The following MNAT1 variants were observed in gnomAD, a reference collection of about 807,000 sequenced individuals.
The protein encoded by MNAT1 is MNAT1 component of CDK activating kinase.
A neutral mutation model predicts 42.0 loss-of-function variants in MNAT1; 43 were observed. That is an observed-to-expected ratio of 1.02 (90% CI 0.80 to 1.32). The LOEUF (loss-of-function observed/expected upper bound fraction) is 1.32, where lower values mean the gene tolerates loss of function less well. Among genes scored for constraint, MNAT1 ranks in the 40% most tolerant of loss-of-function variants. MNAT1 has a pLI of 0.00. For missense variants in MNAT1, 306 were observed against 350.4 expected, an observed-to-expected ratio of 0.87 and a Z score of 1.01; for synonymous variants, 118 against 120.0, an observed-to-expected ratio of 0.98 and a Z score of 0.11.
chr14:60,830,545 T>C (rs1230538225), intron 6 of MNAT1, among the ~76,000 whole-genome samples: 4 of 152,182 alleles, frequency 2.6e-5, no homozygotes, highest in Non-Finnish European at 5.9e-5. Flanking sequence ...TAAGGCTCCA[T>C]CTGCAAATGC....
At chr14:60,813,253 C>T (rs373987044) in intron 5 of MNAT1, among the ~76,000 whole-genome samples, 18 of 152,216 alleles carry the variant, frequency 1.2e-4, no homozygotes, top group African/African-American at 3.1e-4. Flanking sequence ...GGTCTGACTG[C>T]GGGCCCCATG....
In MNAT1 at chr14:60,735,466, C is replaced by T. The variant is rs4151155; in HGVS notation, c.89+515C>T. Among the ~76,000 whole-genome samples, 257 of 152,264 alleles carry T rather than the reference C, an allele frequency of 1.7e-3. 1 individual carries two copies. The highest frequency in any genetic ancestry group is 5.5e-3 in the African/African-American group (227 of 41,544). On this transcript the variant is annotated intron_variant, in intron 1 of 7. Transcript: ENST00000261245. The stretch of plus-strand genomic sequence containing the variant: ...TCCCATCACTAAAATGAAGAAAACC[C>T]GGACTGTAGGTAGTTAATTTTGAAG...
chr14:60,875,620 A>G (rs944825851), intron 6 of MNAT1, among the ~76,000 whole-genome samples: 18 of 152,132 alleles, frequency 1.2e-4, no homozygotes, highest in Non-Finnish European at 2.4e-4. Flanking sequence ...ACCCTTTAGC[A>G]TAGTGCCTAG....
At chr14:60,784,302 G>A (rs1168026506) in intron 1 of MNAT1, among the ~76,000 whole-genome samples, 1 of 147,542 alleles carries the variant, frequency 6.8e-6, no homozygotes, top group Non-Finnish European at 1.5e-5. Flanking sequence ...GGGATTACAG[G>A]CATGAGCCAC....
intron 7 of MNAT1, among the ~76,000 whole-genome samples, chr14:60,967,502 TG>T (rs1033694372): frequency 7.9e-5 from 12 of 151,100 alleles, no homozygotes; most frequent in Non-Finnish European, 1.5e-4. Context: ...GATTGTCCAA[TG>T]TTTTTTAGGC....
intron 1 of MNAT1, among the ~76,000 whole-genome samples, chr14:60,739,620 T>C (rs942545440): frequency 2.6e-5 from 4 of 152,248 alleles, no homozygotes; most frequent in African/African-American, 9.6e-5. Flanking sequence ...TCCCTACTTA[T>C]CAATTTAATC....
At chr14:60,843,187 G>A (rs1438946300) in intron 6 of MNAT1, among the ~76,000 whole-genome samples, 1 of 152,168 alleles carries the variant, frequency 6.6e-6, no homozygotes, top group African/African-American at 2.4e-5. Context: ...TTATTTTGGT[G>A]ATGATTGATA....
At chr14:60,932,194 A>G (rs2035903064) in intron 7 of MNAT1, among the ~76,000 whole-genome samples, 1 of 152,002 alleles carries the variant, frequency 6.6e-6, no homozygotes, top group African/African-American at 2.4e-5. Flanking sequence ...CTAAAATAAG[A>G]CTGACATACT....
intron 7 of MNAT1, among the ~76,000 whole-genome samples, chr14:60,962,264 A>G (rs2036607122): frequency 6.6e-6 from 1 of 152,210 alleles, no homozygotes; most frequent in Non-Finnish European, 1.5e-5. Context: ...GTGGAAATAA[A>G]CATCTGACTT....
chr14:60,859,375 A>G (rs1175787593), intron 6 of MNAT1, among the ~76,000 whole-genome samples: 4 of 152,174 alleles, frequency 2.6e-5, no homozygotes, highest in African/African-American at 7.2e-5. Flanking sequence ...TTCATTATTT[A>G]TAGACATTCA....
intron 7 of MNAT1, among the ~76,000 whole-genome samples, chr14:60,895,431 A>G (rs1594844201): frequency 6.6e-6 from 1 of 152,320 alleles, no homozygotes; most frequent in East Asian, 1.9e-4. Flanking sequence ...TTTCACATTC[A>G]TCCTAACAGT....
At chr14:60,834,989 C>T (rs1199538316) in intron 6 of MNAT1, among the ~76,000 whole-genome samples, 3 of 145,654 alleles carry the variant, frequency 2.1e-5, no homozygotes, top group African/African-American at 5.1e-5. Flanking sequence ...ACCTTGCTCC[C>T]GCCCTCCCTC....
At chr14:60,797,467 G>A (rs1463491924) in intron 2 of MNAT1, among the ~76,000 whole-genome samples, 1 of 151,296 alleles carries the variant, frequency 6.6e-6, no homozygotes, top group Admixed American at 6.6e-5. Flanking sequence ...GTTATGTCTT[G>A]CTTAAGCTCA....
chr14:60,860,834 G>C (rs1418215412), intron 6 of MNAT1, among the ~76,000 whole-genome samples: 1 of 152,124 alleles, frequency 6.6e-6, no homozygotes, highest in Admixed American at 6.5e-5. Context: ...TGGGAAAGCT[G>C]TTGTGGTATG....
intron 6 of MNAT1, among the ~76,000 whole-genome samples, chr14:60,849,969 T>C (rs1272813077): frequency 6.6e-6 from 1 of 152,128 alleles, no homozygotes; most frequent in African/African-American, 2.4e-5. Flanking sequence ...CCTGAGTGGC[T>C]GGGATTACAG....
At chr14:60,886,660 T>G (rs1416309009) in intron 7 of MNAT1, among the ~76,000 whole-genome samples, 5 of 151,746 alleles carry the variant, frequency 3.3e-5, no homozygotes, top group Non-Finnish European at 5.9e-5. Context: ...ATGTTTTGAT[T>G]TTTTTTTCAG....
At chr14:60,772,172 G>A (rs1024047455) in intron 1 of MNAT1, among the ~76,000 whole-genome samples, 1 of 152,194 alleles carries the variant, frequency 6.6e-6, no homozygotes, top group Admixed American at 6.5e-5. Flanking sequence ...TGAGGCAGGA[G>A]CATTGCTTGA....
At position 60,954,183 on chromosome 14, in the gene MNAT1, A is replaced by G. The variant is rs942844189; in HGVS notation, c.810-14046A>G. On this transcript the variant is annotated intron_variant, in intron 7 of 7. Transcript: ENST00000261245. ...TCCTTAAGCTTTATTTGCCTATTCA[A>G]GGTCTTTTGTTATTCCACATGAATT... 2.6e-5 allele frequency among the ~76,000 whole-genome samples: 4 copies of G among 152,034 alleles called. No individual in the cohort carries two copies. The South Asian group carries it at 8.3e-4, about 32-fold the overall frequency.
At chr14:60,780,041 G>T (rs2031400203) in intron 1 of MNAT1, 8 of 1,522,146 alleles carry the variant, frequency 5.3e-6, no homozygotes, top group Non-Finnish European at 7.3e-6. Flanking sequence ...AATCGTGGAC[G>T]AGTTCTTCTC....
Sources: allele counts gnomAD v4.1 joint callset (sites outside exome capture counted in the v4.1 genomes callset), GRCh38; gene constraint gnomAD v4.1.1; transcripts MANE v1.5; gene names NCBI Gene and HGNC (gene_info 2026-07-23, HGNC 2026-07-21).